The following MRPS27 variants were observed in gnomAD, a reference collection of about 807,000 sequenced individuals.
MRPS27 encodes the protein small ribosomal subunit protein mS27.
In MRPS27, 43 loss-of-function variants were observed where a neutral mutation model predicts 48.9. The ratio of observed to expected loss-of-function variants is 0.88; its 90% confidence interval spans 0.69 to 1.13. MRPS27 has a LOEUF of 1.13. Among genes scored for constraint, MRPS27 ranks in the 50% most tolerant of loss-of-function variants. MRPS27 has a pLI of 0.00. For synonymous variants in MRPS27, 188 were observed against 171.9 expected (o/e 1.09, Z -0.73); for missense variants, 467 against 476.3 (o/e 0.98, Z 0.18).
At position 72,220,785 on chromosome 5, in the gene MRPS27, A is replaced by G. The variant is rs1747717632; in HGVS notation, c.*124T>C. Reference sequence around the variant, plus strand: ...CATGGTGCCTTGCCATGTAGGGCACATAGCCTGCTTTAAGAAAAGAAGATG... The same window carrying G: ...CATGGTGCCTTGCCATGTAGGGCACGTAGCCTGCTTTAAGAAAAGAAGATG... On this transcript the variant is annotated 3_prime_UTR_variant, in exon 11 of 11. Transcript: ENST00000261413. 7.1e-7 allele frequency: 1 copy of G among 1,399,426 alleles called. No individual in the cohort carries two copies. Among genetic ancestry groups the G allele is most frequent in the Non-Finnish European group, 9.7e-7 (1 of 1,025,940 alleles). 86.7% of individuals were successfully genotyped at this position (1,399,426 alleles called of 1,614,324 possible).
At chr5:72,262,483 T>C (rs893267991) in intron 4 of MRPS27, among the ~76,000 whole-genome samples, 31 of 152,156 alleles carry the variant, frequency 2.0e-4, no homozygotes, top group Admixed American at 5.9e-4. Context: ...ACTCAGTATA[T>C]ACTGAATACT....
chr5:72,228,003 T>C (rs1030204712), intron 8 of MRPS27: 7 of 483,008 alleles, frequency 1.4e-5, no homozygotes, highest in Non-Finnish European at 2.2e-5. Context: ...TTATCCCTTC[T>C]TCAGACTGAT....
chr5:72,221,500 T>G lies in MRPS27; in HGVS notation c.1006-352A>C, dbSNP rs113343726. Among the ~76,000 whole-genome samples the G allele has an allele frequency of 3.9e-3, 600 of 152,232 alleles. 4 individuals carry two copies. Among genetic ancestry groups the G allele is most frequent in the African/African-American group, 0.014 (575 of 41,518 alleles). ...GAACTCCATATGCTGTGTCTCCCTG[T>G]GTAATTTCTTGTTTTAAACCACAAA... On this transcript the variant is annotated intron_variant, in intron 10 of 10. Transcript: ENST00000261413.
Position 72,223,674 on chromosome 5 carries a change from A to G in MRPS27, c.1005+9T>C. 1 of 1,613,888 alleles carries G rather than the reference A, an allele frequency of 6.2e-7. No individual in the cohort carries two copies. The highest frequency in any genetic ancestry group is 8.5e-7 in the Non-Finnish European group (1 of 1,179,788). On this transcript the variant is annotated intron_variant, in intron 10 of 10. Coordinates refer to ENST00000261413, the MANE Select transcript of MRPS27 (RefSeq NM_015084.3). ...GCTGCTAAGAGAGACACGTTCTGCTATGATTCACCTTAAATCGTTCCAGGT... is the reference window on the plus strand; with the variant it reads ...GCTGCTAAGAGAGACACGTTCTGCTGTGATTCACCTTAAATCGTTCCAGGT...
intron 2 of MRPS27, among the ~76,000 whole-genome samples, chr5:72,299,410 G>A (rs1750072354): frequency 6.6e-6 from 1 of 152,074 alleles, no homozygotes; most frequent in South Asian, 2.1e-4. Context: ...TTTCCTGATA[G>A]GTTCCCCCCA....
intron 4 of MRPS27, among the ~76,000 whole-genome samples, chr5:72,251,170 G>A (rs1358974147): frequency 3.3e-5 from 5 of 152,162 alleles, no homozygotes; most frequent in Admixed American, 2.0e-4. Context: ...GGGTACCTGT[G>A]TGCAGCAAAG....
intron 4 of MRPS27, among the ~76,000 whole-genome samples, chr5:72,247,517 A>G (rs1469729186): frequency 2.0e-5 from 3 of 152,172 alleles, no homozygotes; most frequent in African/African-American, 7.2e-5. Flanking sequence ...GGCAACAGAG[A>G]TTATTATTAT....
chr5:72,280,294 A>G (rs1012685504), intron 4 of MRPS27, among the ~76,000 whole-genome samples: 2 of 152,238 alleles, frequency 1.3e-5, no homozygotes, highest in Admixed American at 6.5e-5. Flanking sequence ...CTGAATTTAT[A>G]GATGAAATGT....
intron 4 of MRPS27, among the ~76,000 whole-genome samples, chr5:72,292,205 T>G (rs1749842061): frequency 7.6e-6 from 1 of 132,310 alleles, no homozygotes; most frequent in African/African-American, 3.8e-5. Context: ...TATTACCAGT[T>G]TTTTTTTTTT....
chr5:72,282,058 A>G (rs1749547820), intron 4 of MRPS27, among the ~76,000 whole-genome samples: 1 of 152,206 alleles, frequency 6.6e-6, no homozygotes, highest in Admixed American at 6.5e-5. Flanking sequence ...AAAAAACAGA[A>G]TAGACCTCAA....
At chr5:72,285,331 TATAA>T (rs1178625209) in intron 4 of MRPS27, among the ~76,000 whole-genome samples, 2 of 152,344 alleles carry the variant, frequency 1.3e-5, no homozygotes, top group Middle Eastern at 3.4e-3. Context: ...CTACCTCTTT[TATAA>T]ATGTTTGCTG....
At chr5:72,272,370 T>G (rs899297016) in intron 4 of MRPS27, among the ~76,000 whole-genome samples, 2 of 152,224 alleles carry the variant, frequency 1.3e-5, no homozygotes, top group Non-Finnish European at 2.9e-5. Flanking sequence ...GTGCATAAAC[T>G]GTGTGAATAA....
intron 2 of MRPS27, among the ~76,000 whole-genome samples, chr5:72,313,357 T>C (rs1313490049): frequency 6.6e-6 from 1 of 152,200 alleles, no homozygotes; most frequent in Non-Finnish European, 1.5e-5. Flanking sequence ...AGCATAGGAA[T>C]TGATCCAAAA....
At position 72,232,575 on chromosome 5, in the gene MRPS27, G is replaced by A; in HGVS notation, c.476-17C>T. On this transcript the variant is annotated splice_polypyrimidine_tract_variant and intron_variant, in intron 6 of 10. Coordinates refer to ENST00000261413, the MANE Select transcript of MRPS27 (RefSeq NM_015084.3). ...ATAAAGCATCTAGCAGAAGATGAAAGTAAAAAAGAGAGGAAATTAGTTGTA... is the reference window on the plus strand; with the variant it reads ...ATAAAGCATCTAGCAGAAGATGAAAATAAAAAAGAGAGGAAATTAGTTGTA... 6.5e-7 allele frequency: 1 copy of A among 1,544,990 alleles called. No individual in the cohort carries two copies. Among genetic ancestry groups the A allele is most frequent in the African/African-American group, 1.4e-5 (1 of 72,764 alleles).
In MRPS27 at chr5:72,297,702, G is replaced by C. The variant is rs756280800; in HGVS notation, c.152C>G (p.Ala51Gly). 6.4e-7 allele frequency: 1 copy of C among 1,570,358 alleles called. No individual in the cohort carries two copies. Among genetic ancestry groups the C allele is most frequent in the Non-Finnish European group, 8.6e-7 (1 of 1,161,486 alleles). ...TTTATCCATTAAAGATGCAAGATCA[G>C]CTGTGAAGACAAAAAAAGAAAAAAA... ...EAREKEHYCL[A>G]DLASLMDKTF... Residue 51 changes from alanine (A) to glycine (G), a missense_variant and splice_region_variant, in exon 3 of 11, where the codon GCT (alanine) becomes GGT (glycine). By Grantham distance (60) the Ala-to-Gly change is moderately conservative (BLOSUM62 0). Coordinates refer to ENST00000261413, the MANE Select transcript of MRPS27 (RefSeq NM_015084.3).
intron 4 of MRPS27, among the ~76,000 whole-genome samples, chr5:72,286,818 A>G (rs79600463): frequency 6.6e-6 from 1 of 152,200 alleles, no homozygotes; most frequent in East Asian, 1.9e-4. Flanking sequence ...TTTCACCTCA[A>G]CAAGCACTGG....
chr5:72,262,203 T>C (rs1748998690), intron 4 of MRPS27, among the ~76,000 whole-genome samples: 1 of 152,192 alleles, frequency 6.6e-6, no homozygotes. Flanking sequence ...TACTTAATAT[T>C]TTCTGATTCT....
intron 4 of MRPS27, among the ~76,000 whole-genome samples, chr5:72,255,393 T>C (rs1748774486): frequency 6.6e-6 from 1 of 152,068 alleles, no homozygotes; most frequent in African/African-American, 2.4e-5. Flanking sequence ...AACAAATACA[T>C]CTGAGATAAG....
intron 4 of MRPS27, among the ~76,000 whole-genome samples, chr5:72,258,668 C>A (rs998921262): frequency 6.6e-6 from 1 of 152,140 alleles, no homozygotes; most frequent in East Asian, 1.9e-4. Flanking sequence ...TAGAACATGG[C>A]AATCAAGGTG....
Sources: allele counts gnomAD v4.1 joint callset (sites outside exome capture counted in the v4.1 genomes callset), GRCh38; gene constraint gnomAD v4.1.1; transcripts MANE v1.5; gene names NCBI Gene and HGNC (gene_info 2026-07-23, HGNC 2026-07-21).